SETD2: variants seen among roughly 807,000 people sequenced by gnomAD.
SETD2 encodes histone-lysine N-methyltransferase SETD2.
A neutral mutation model predicts 242.1 loss-of-function variants in SETD2; 31 were observed. The observed-to-expected ratio is 0.13, with a 90% CI of 0.10 to 0.17. SETD2 has a LOEUF of 0.17. Ranked by LOEUF, SETD2 falls within the 10% of genes least tolerant of loss-of-function variation. The pLI is 1.00. For synonymous variants in SETD2, 1,006 were observed against 1,066.5 expected, an observed-to-expected ratio of 0.94 and a Z score of 1.11; for missense variants, 2,481 against 3,046.3, an observed-to-expected ratio of 0.81 and a Z score of 4.37.
chr3:47,158,733 T>C (rs1356182511), intron 1 of SETD2, among the ~76,000 whole-genome samples: 1 of 152,206 alleles, frequency 6.6e-6, no homozygotes, highest in Non-Finnish European at 1.5e-5. Context: ...TTTTTGACTG[T>C]GTTGCAGATT....
In SETD2 at chr3:47,136,782, C is replaced by T. The variant is rs6789578; in HGVS notation, c.72-10119G>A. 6.0e-3 allele frequency among the ~76,000 whole-genome samples: 913 copies of T among 152,148 alleles called. 10 individuals carry two copies. The highest frequency in any genetic ancestry group is 0.021 in the African/African-American group (855 of 41,506). On this transcript the variant is annotated intron_variant, in intron 1 of 20. Transcript: ENST00000409792. ...CAGCCTGGCCAACATGTCAAAACCC[C>T]GTCTCTACCAAAAATACAAAAATTA...
Position 47,123,357 on chromosome 3 carries a change from A to T in SETD2, c.1279T>A (p.Tyr427Asn), listed in dbSNP as rs1386461954. The T allele has an allele frequency of 6.4e-7, 1 of 1,551,668 alleles. No homozygotes were observed. The highest frequency in any genetic ancestry group is 1.2e-5 in the South Asian group (1 of 84,062). ...LSYSRSERSH[Y>N]YDSDRRYHRS... ...TGGTAGCGACGATCAGAGTCATAATAATGAGATCGTTCTGACCTGGAATAG... is the reference window on the plus strand; with the variant it reads ...TGGTAGCGACGATCAGAGTCATAATTATGAGATCGTTCTGACCTGGAATAG... The change falls in exon 3 of 21, where the codon TAT becomes AAT. Residue 427 changes from tyrosine to asparagine, a missense_variant. Transcript: ENST00000409792.
intron 12 of SETD2, among the ~76,000 whole-genome samples, chr3:47,082,803 G>A (rs551823168): frequency 2.3e-4 from 35 of 152,278 alleles, no homozygotes; most frequent in Non-Finnish European, 4.7e-4. Flanking sequence ...CAGTTTCATT[G>A]GGTCAAATCA....
chr3:47,101,342 T>C (rs1040746545), intron 8 of SETD2, 116 bp downstream of exon 8: 10 of 619,902 alleles, frequency 1.6e-5, no homozygotes, highest in Non-Finnish European at 2.3e-5. Flanking sequence ...ATCTTATAGA[T>C]AAGAGTTAAG....
intron 15 of SETD2, among the ~76,000 whole-genome samples, chr3:47,052,499 C>T (rs1487359080): frequency 6.6e-6 from 1 of 152,066 alleles, no homozygotes; most frequent in African/African-American, 2.4e-5. Flanking sequence ...ATTTAAAGAG[C>T]CCACTCATTC....
At chr3:47,147,499 T>C (rs1431271960) in intron 1 of SETD2, among the ~76,000 whole-genome samples, 4 of 150,570 alleles carry the variant, frequency 2.7e-5, no homozygotes, top group African/African-American at 9.8e-5. Context: ...ATTGTTGTAT[T>C]TTTAGTAGAG....
At chr3:47,109,070 A>G (rs1293743675) in intron 5 of SETD2, among the ~76,000 whole-genome samples, 1 of 152,084 alleles carries the variant, frequency 6.6e-6, no homozygotes, top group East Asian at 1.9e-4. Flanking sequence ...TTCTCCTTAA[A>G]GCCTGTTCAG....
chr3:47,159,749 G>A (rs572651949), intron 1 of SETD2, among the ~76,000 whole-genome samples: 2 of 152,270 alleles, frequency 1.3e-5, no homozygotes, highest in Admixed American at 1.3e-4. Context: ...GGCCAAGGCA[G>A]GTGGATCATG....
chr3:47,129,718 T>C (rs2043433052), intron 1 of SETD2, among the ~76,000 whole-genome samples: 6 of 152,072 alleles, frequency 3.9e-5, no homozygotes, highest in Admixed American at 3.3e-4. Flanking sequence ...AAACCCCATC[T>C]CTACAAAAAT....
At chr3:47,044,868 A>G (rs1199662458) in intron 16 of SETD2, among the ~76,000 whole-genome samples, 2 of 152,186 alleles carry the variant, frequency 1.3e-5, no homozygotes, top group Admixed American at 6.6e-5. Flanking sequence ...AATACAAAAC[A>G]TTTTGAGTGC....
intron 14 of SETD2, among the ~76,000 whole-genome samples, chr3:47,060,730 CCA>C (rs2040294651): frequency 1.3e-5 from 2 of 151,970 alleles, no homozygotes; most frequent in Non-Finnish European, 2.9e-5. Context: ...AGAAAACATA[CCA>C]TATATGACAC....
intron 16 of SETD2, 50 bp from the exon 17 acceptor site, chr3:47,042,750 G>C (rs375382534): frequency 2.0e-6 from 3 of 1,509,444 alleles, no homozygotes; most frequent in Non-Finnish European, 2.7e-6. Flanking sequence ...CTCTTAATCT[G>C]GCTGAATAGG....
intron 12 of SETD2, among the ~76,000 whole-genome samples, chr3:47,077,228 G>T (rs1381537264): frequency 6.6e-6 from 1 of 152,056 alleles, no homozygotes; most frequent in Non-Finnish European, 1.5e-5. Flanking sequence ...GGGATTACAG[G>T]CACTGCCATC....
intron 15 of SETD2, among the ~76,000 whole-genome samples, chr3:47,050,504 A>G (rs1189551271): frequency 6.6e-6 from 1 of 152,124 alleles, no homozygotes; most frequent in East Asian, 1.9e-4. Context: ...CCCTAATCAG[A>G]AATCCCAAAT....
At chr3:47,154,993 CAA>C (rs202104622) in intron 1 of SETD2, among the ~76,000 whole-genome samples, 1 of 139,938 alleles carries the variant, frequency 7.1e-6, no homozygotes. Context: ...GACTCCATCT[CAA>C]AAAAAAAAAA....
chr3:47,120,914 C>G lies in SETD2; in HGVS notation c.3722G>C (p.Cys1241Ser), dbSNP rs1036962729. Residue 1241 changes from cysteine to serine, a missense_variant, in exon 3 of 21, where the codon TGT (cysteine) becomes TCT (serine). This residue lies in a region of SETD2 where 1,300 missense variants were observed against 1,259.2 expected (regional missense o/e 1.03). Coordinates refer to ENST00000409792, the MANE Select transcript of SETD2 (RefSeq NM_014159.7). Reference sequence around the variant, plus strand: ...CAAGCCATCCACATGTGGTATCTCACAAGAGGAAGAAAAACTCAATTCTGT... The same window carrying G: ...CAAGCCATCCACATGTGGTATCTCAGAAGAGGAAGAAAAACTCAATTCTGT... ...GKTELSFSSSCEIPHVDGLHS... is the reference protein window; with the variant it reads ...GKTELSFSSSSEIPHVDGLHS... 6.2e-7 allele frequency: 1 copy of G among 1,614,218 alleles called. No homozygotes were observed. Among genetic ancestry groups the G allele is most frequent in the Non-Finnish European group, 8.5e-7 (1 of 1,180,026 alleles).
chr3:47,017,765 T>C lies in SETD2; in HGVS notation c.7432-26A>G. On this transcript the variant is annotated intron_variant, in intron 19 of 20. Transcript: ENST00000409792. The surrounding 1 kb of genome is among the most constrained non-coding windows in gnomAD (Gnocchi z 4.8). ...CTGCAGGCAGAGAAAAGAGAACACGTTGCTCAACAGTCCAGAGAGGGCAAG... is the reference window on the plus strand; with the variant it reads ...CTGCAGGCAGAGAAAAGAGAACACGCTGCTCAACAGTCCAGAGAGGGCAAG... 6.5e-7 allele frequency: 1 copy of C among 1,533,872 alleles called. No homozygotes were observed. Among genetic ancestry groups the C allele is most frequent in the Non-Finnish European group, 9.0e-7 (1 of 1,106,826 alleles).
In SETD2 at chr3:47,163,990, G is replaced by T. The variant is rs1697590771; in HGVS notation, c.-66C>A. On this transcript the variant is annotated 5_prime_UTR_variant, in exon 1 of 21. Coordinates refer to ENST00000409792, the MANE Select transcript of SETD2 (RefSeq NM_014159.7). The stretch of plus-strand genomic sequence containing the variant: ...AGCAGGGCGACGCGGGGGAGGGGAG[G>T]GGAGGAGGCCGCAGGTCCGACCGCG... The T allele has an allele frequency of 8.0e-7, 1 of 1,246,904 alleles. No individual in the cohort carries two copies. The highest frequency in any genetic ancestry group is 1.0e-6 in the Non-Finnish European group (1 of 989,682). 77.2% of individuals were successfully genotyped at this position (1,246,904 alleles called of 1,614,324 possible).
chr3:47,032,544 CA>C (rs200671278), intron 18 of SETD2, among the ~76,000 whole-genome samples: 2 of 149,900 alleles, frequency 1.3e-5, no homozygotes, highest in Non-Finnish European at 3.0e-5. Context: ...AAAACAAAAA[CA>C]AAAAAAAACC....
Sources: gnomAD v4.1 joint callset for allele counts (sites outside exome capture counted in the v4.1 genomes callset) on GRCh38, gnomAD v4.1.1 for gene constraint, gnomAD v4.1.1 regional missense constraint, Gnocchi (gnomAD v3.1) non-coding constraint, MANE v1.5 for transcripts, NCBI Gene and HGNC (gene_info 2026-07-23, HGNC 2026-07-21) for gene names.